Variants in LRCH1 observed in about 807,000 individuals in gnomAD.
LRCH1 encodes the protein leucine rich repeats and calponin homology domain containing 1.
Under a neutral mutation model 94.9 loss-of-function variants are expected in LRCH1, and 23 were observed. The ratio of observed to expected loss-of-function variants is 0.24; its 90% CI spans 0.17 to 0.34. The LOEUF (loss-of-function observed/expected upper bound fraction) is 0.34, where lower values mean the gene tolerates loss of function less well. LRCH1 is among the 10% of genes least tolerant of loss of function. LRCH1 has a pLI of 1.00. For synonymous variants in LRCH1, 364 were observed against 354.9 expected (o/e 1.03, Z -0.29); for missense variants, 790 against 945.9 (o/e 0.84, Z 2.16).
chr13:46,748,303 T>C (rs7986577), downstream of LRCH1, among the ~76,000 whole-genome samples: 12,917 of 151,968 alleles, frequency 0.085, 998 homozygotes, highest in African/African-American at 0.19. Flanking sequence ...TGTTCAACTC[T>C]TTATTTGATT....
At chr13:46,581,978 C>G (rs922223486) in intron 1 of LRCH1, among the ~76,000 whole-genome samples, 3 of 152,006 alleles carry the variant, frequency 2.0e-5, no homozygotes, top group African/African-American at 7.2e-5. Flanking sequence ...GGCGAAACCC[C>G]CTTTGTACTA....
intron 2 of LRCH1, among the ~76,000 whole-genome samples, chr13:46,657,071 T>C (rs1179565480): frequency 6.6e-6 from 1 of 152,242 alleles, no homozygotes; most frequent in African/African-American, 2.4e-5. Flanking sequence ...TGTTTTCAGT[T>C]CTGTTTCTGA....
chr13:46,558,681 C>T (rs916417711), intron 1 of LRCH1, among the ~76,000 whole-genome samples: 3 of 150,816 alleles, frequency 2.0e-5, no homozygotes, highest in African/African-American at 7.4e-5. Flanking sequence ...TGTAGTGAGC[C>T]GAGGTTGCGC....
chr13:46,740,449 C>T (rs1441346649), intron 19 of LRCH1, among the ~76,000 whole-genome samples: 2 of 152,200 alleles, frequency 1.3e-5, no homozygotes, highest in Non-Finnish European at 2.9e-5. Context: ...ATCGAGCTAA[C>T]TTCAGAGGAC....
intron 1 of LRCH1, among the ~76,000 whole-genome samples, chr13:46,580,150 T>A (rs1365299101): frequency 6.6e-6 from 1 of 152,242 alleles, no homozygotes; most frequent in Non-Finnish European, 1.5e-5. Flanking sequence ...TTAAATAAGT[T>A]CTGTTTAACT....
intron 1 of LRCH1, among the ~76,000 whole-genome samples, chr13:46,606,574 T>C (rs577454399): frequency 1.3e-5 from 2 of 152,190 alleles, no homozygotes; most frequent in East Asian, 3.9e-4. Flanking sequence ...TTTTGTTTTG[T>C]TTTGTTTTGT....
At chr13:46,600,618 T>TACACACACACACAC (rs3068695) in intron 1 of LRCH1, among the ~76,000 whole-genome samples, 10,655 of 143,124 alleles carry the variant, frequency 0.074, 483 homozygotes, top group Non-Finnish European at 0.098. Flanking sequence ...TGACCAGATT[T>TACACACACACACAC]ACACACACAC....
chr13:46,721,770 G>A (rs77213652), intron 16 of LRCH1, among the ~76,000 whole-genome samples: 2,551 of 152,242 alleles, frequency 0.017, 75 homozygotes, highest in African/African-American at 0.055. Context: ...TCCAGAAGGC[G>A]ACAGGCCTTG....
At chr13:46,745,361 G>A (rs1056293589), downstream of LRCH1, among the ~76,000 whole-genome samples, 1 of 152,058 alleles carries the variant, frequency 6.6e-6, no homozygotes, top group Non-Finnish European at 1.5e-5. Context: ...AGGACCTGTG[G>A]TGGAACGGGT....
Position 46,743,923 on chromosome 13 carries a change from A to T in LRCH1, c.*2075A>T, listed in dbSNP as rs1873793997. 3 of 985,004 alleles carry T rather than the reference A, an allele frequency of 3.0e-6. No individual in the cohort carries two copies. The East Asian group carries it at 3.4e-4, about 112-fold the overall frequency. 61.0% of individuals were successfully genotyped at this position (985,004 alleles called of 1,614,324 possible). A position where few individuals can be genotyped will look rare whatever the true frequency, so the allele number is the denominator to read the frequency against. On this transcript the variant is annotated 3_prime_UTR_variant, in exon 20 of 20. Coordinates refer to ENST00000389797, the MANE Select transcript of LRCH1 (RefSeq NM_001164211.2). ...CAAAGTATTCTTTGGACGCACTTTG[A>T]TTTTTTTTGTGTCATTAATTTGTCT...
chr13:46,692,606 A>G lies in LRCH1; in HGVS notation c.1085A>G (p.Lys362Arg). ...ATCATGGAAGAAGAACAGATCATCA[A>G]GGAGGACTCGTGCCATCGCCTTAGC... ...SNIMEEEQIIKEDSCHRLSPV... is the reference protein window; with the variant it reads ...SNIMEEEQIIREDSCHRLSPV... Residue 362 changes from lysine to arginine, a missense_variant, in exon 8 of 20, where the codon AAG (lysine) becomes AGG (arginine). This residue lies in a region of LRCH1 where 460 missense variants were observed against 508.9 expected (regional missense o/e 0.90). Transcript: ENST00000389797. 1 of 1,614,122 alleles carries G rather than the reference A, an allele frequency of 6.2e-7. No homozygotes were observed. Among genetic ancestry groups the G allele is most frequent in the Non-Finnish European group, 8.5e-7 (1 of 1,179,984 alleles).
At chr13:46,559,992 G>A (rs1300350867) in intron 1 of LRCH1, among the ~76,000 whole-genome samples, 4 of 151,986 alleles carry the variant, frequency 2.6e-5, no homozygotes, top group Admixed American at 6.6e-5. Context: ...CCATGTTGAC[G>A]TCGATTAATT....
chr13:46,604,802 C>A (rs2062749039), intron 1 of LRCH1, among the ~76,000 whole-genome samples: 2 of 152,186 alleles, frequency 1.3e-5, no homozygotes, highest in African/African-American at 4.8e-5. Flanking sequence ...AGAGTTTTAA[C>A]CCTTATCATA....
At chr13:46,639,974 T>TA (rs1052597370) in intron 1 of LRCH1, among the ~76,000 whole-genome samples, 8 of 152,366 alleles carry the variant, frequency 5.3e-5, no homozygotes, top group Admixed American at 5.2e-4. Context: ...CAGACACTGC[T>TA]AACTGCTTTG....
chr13:46,635,840 C>T (rs1439115374), intron 1 of LRCH1, among the ~76,000 whole-genome samples: 6 of 151,984 alleles, frequency 3.9e-5, no homozygotes, highest in Non-Finnish European at 7.4e-5. Flanking sequence ...CAGTTTTCCC[C>T]TGGCCACCAA....
chr13:46,571,344 CAAGAG>C, intron 1 of LRCH1, among the ~76,000 whole-genome samples: 1 of 152,102 alleles, frequency 6.6e-6, no homozygotes. Context: ...TGCTGTGTGC[CAAGAG>C]AACAGTTGTC....
chr13:46,634,120 T>A (rs971589093), intron 1 of LRCH1, among the ~76,000 whole-genome samples: 1 of 152,108 alleles, frequency 6.6e-6, no homozygotes, highest in South Asian at 2.1e-4. Flanking sequence ...CCTCGTGATC[T>A]GCCCGCCTCA....
chr13:46,700,158 G>A (rs1871390180), intron 10 of LRCH1, among the ~76,000 whole-genome samples: 1 of 152,218 alleles, frequency 6.6e-6, no homozygotes, highest in Admixed American at 6.5e-5. Flanking sequence ...TGGACTGTGT[G>A]ACATAGAGTA....
intron 1 of LRCH1, among the ~76,000 whole-genome samples, chr13:46,586,360 A>G (rs1484264735): frequency 1.3e-5 from 2 of 152,228 alleles, no homozygotes; most frequent in Non-Finnish European, 2.9e-5. Flanking sequence ...GTTGGCAGCC[A>G]GAAACAGCCA....
Sources: allele counts gnomAD v4.1 joint callset (sites outside exome capture counted in the v4.1 genomes callset), GRCh38; gene constraint gnomAD v4.1.1; regional missense constraint gnomAD v4.1.1; transcripts MANE v1.5; gene names NCBI Gene and HGNC (gene_info 2026-07-23, HGNC 2026-07-21).